The following UNC13B variants were observed in gnomAD, a reference collection of about 807,000 sequenced individuals.
The protein encoded by UNC13B is unc-13 homolog B.
A neutral mutation model predicts 211.0 loss-of-function variants in UNC13B; 144 were observed. The ratio of observed to expected loss-of-function variants is 0.68; its 90% CI spans 0.60 to 0.78. The LOEUF is 0.78. Among genes scored for constraint, UNC13B ranks in the 30% least tolerant of loss-of-function variants. The probability of loss-of-function intolerance (pLI) is 0.00; values close to 1 mark genes in which losing one functional copy is unlikely to be tolerated. For missense variants in UNC13B, 1,777 were observed against 2,002.0 expected (o/e 0.89, Z 2.14); for synonymous variants, 709 against 725.8 (o/e 0.98, Z 0.37).
chr9:35,170,205 G>T (rs1388986784), intron 1 of UNC13B, among the ~76,000 whole-genome samples: 2 of 151,298 alleles, frequency 1.3e-5, no homozygotes, highest in East Asian at 3.9e-4. Context: ...TCGTTCTGTT[G>T]CCCAGGTTGG....
At chr9:35,342,903 GAGAA>G (rs990491378) in intron 11 of UNC13B, among the ~76,000 whole-genome samples, 42 of 152,150 alleles carry the variant, frequency 2.8e-4, no homozygotes, top group Non-Finnish European at 1.8e-4. Context: ...GTGAGAGAGA[GAGAA>G]AGAGAGAGAG....
chr9:35,259,112 A>G, intron 7 of UNC13B, 62 bp downstream of exon 7: 6 of 1,559,116 alleles, frequency 3.8e-6, no homozygotes, highest in Middle Eastern at 3.4e-4. Context: ...TTCTCTGAAC[A>G]TGGGTTATTC....
chr9:35,252,022 C>G (rs988932864), intron 6 of UNC13B, among the ~76,000 whole-genome samples: 1 of 152,164 alleles, frequency 6.6e-6, no homozygotes, highest in African/African-American at 2.4e-5. Flanking sequence ...AAATCATTCA[C>G]TTTCCCTCAT....
At chr9:35,375,072 A>G (rs3780730) in intron 13 of UNC13B, 55 bp from the exon 14 acceptor site, 167,041 of 1,600,178 alleles carry the variant, frequency 0.1, 13,040 homozygotes, top group African/African-American at 0.34. Flanking sequence ...TCCCTCCCCC[A>G]GACTTTGCCA....
At chr9:35,358,128 C>T (rs1321323028) in intron 11 of UNC13B, among the ~76,000 whole-genome samples, 2 of 152,216 alleles carry the variant, frequency 1.3e-5, no homozygotes, top group Non-Finnish European at 2.9e-5. Context: ...GAATTTCACT[C>T]TGAAATTTCA....
In UNC13B at chr9:35,376,088, C is replaced by T. The variant is rs367581284; in HGVS notation, c.9676C>T (p.Pro3226Ser). ...AATCTACCCCATTTCGTGCACCACTCCTCATAACTTTGAGGTCTGGACGGC... is the reference window on the plus strand; with the variant it reads ...AATCTACCCCATTTCGTGCACCACTTCTCATAACTTTGAGGTCTGGACGGC... ...ALIYPISCTT[P>S]HNFEVWTATT... The change falls in exon 15 of 40, where the codon CCT (proline) becomes TCT (serine). Residue 3226 changes from proline to serine, a missense_variant. Coordinates refer to ENST00000635942, the MANE Select transcript of UNC13B (RefSeq NM_001371189.2). The T allele has an allele frequency of 5.3e-5, 85 of 1,614,144 alleles. No homozygotes were observed. Among genetic ancestry groups the T allele is most frequent in the Non-Finnish European group, 6.9e-5 (81 of 1,180,056 alleles).
intron 24 of UNC13B, among the ~76,000 whole-genome samples, chr9:35,388,184 G>T (rs1835303576): frequency 6.6e-6 from 1 of 152,210 alleles, no homozygotes; most frequent in African/African-American, 2.4e-5. Context: ...GGGGCGGGTG[G>T]ATCACTTGAG....
intron 11 of UNC13B, among the ~76,000 whole-genome samples, chr9:35,333,133 T>G (rs1831462967): frequency 6.6e-6 from 1 of 152,100 alleles, no homozygotes; most frequent in Non-Finnish European, 1.5e-5. Context: ...ATATTATCAT[T>G]CAATAAAAAG....
intron 11 of UNC13B, among the ~76,000 whole-genome samples, chr9:35,328,410 A>G (rs1831142827): frequency 6.6e-6 from 1 of 152,182 alleles, no homozygotes; most frequent in South Asian, 2.1e-4. Context: ...AGAAGGATTC[A>G]TGTGGTTCTC....
chr9:35,188,837 G>T (rs1349723235), intron 1 of UNC13B, among the ~76,000 whole-genome samples: 2 of 152,152 alleles, frequency 1.3e-5, no homozygotes, highest in Non-Finnish European at 2.9e-5. Context: ...GTTAGCCCCA[G>T]TTTGTTGAAA....
intron 24 of UNC13B, among the ~76,000 whole-genome samples, chr9:35,387,290 C>A (rs972729022): frequency 1.3e-5 from 2 of 152,188 alleles, no homozygotes; most frequent in African/African-American, 4.8e-5. Context: ...GCAGGACAAC[C>A]TAAATGTCTT....
Position 35,397,685 on chromosome 9 carries a change from C to T in UNC13B, c.11727C>T (p.Phe3909=), listed in dbSNP as rs556574552. The T allele has an allele frequency of 7.4e-6, 12 of 1,614,110 alleles. No individual in the cohort carries two copies. The South Asian group carries it at 1.2e-4, about 16-fold the overall frequency. ...ATGCAGACATCTTGTCAAAGGACTTCCCAGCCTATTGCACAAAGGAGAAAC... is the reference window on the plus strand; with the variant it reads ...ATGCAGACATCTTGTCAAAGGACTTTCCAGCCTATTGCACAAAGGAGAAAC... ...MQYADILSKD[F]PAYCTKEKLP... The change falls in exon 30 of 40, where the codon TTC becomes TTT. Residue 3909 remains phenylalanine (F), a synonymous_variant. Coordinates refer to ENST00000635942, the MANE Select transcript of UNC13B (RefSeq NM_001371189.2).
chr9:35,403,725 T>G, intron 39 of UNC13B, 23 bp from the exon 40 acceptor site: 1 of 1,612,644 alleles, frequency 6.2e-7, no homozygotes, highest in Non-Finnish European at 8.5e-7. Flanking sequence ...TCTGGCCTCA[T>G]AACTTCTATC....
intron 7 of UNC13B, among the ~76,000 whole-genome samples, chr9:35,268,722 A>T (rs1827713001): frequency 6.6e-6 from 1 of 152,136 alleles, no homozygotes; most frequent in Non-Finnish European, 1.5e-5. Flanking sequence ...TGTGATGCTG[A>T]TGTTAATTAT....
intron 1 of UNC13B, among the ~76,000 whole-genome samples, chr9:35,176,869 C>T (rs2131283144): frequency 6.6e-6 from 1 of 152,186 alleles, no homozygotes; most frequent in African/African-American, 2.4e-5. Context: ...AAGAAGAGGA[C>T]ACTATCGAGA....
intron 7 of UNC13B, among the ~76,000 whole-genome samples, chr9:35,289,252 G>A (rs1324883425): frequency 6.6e-6 from 1 of 152,100 alleles, no homozygotes; most frequent in African/African-American, 2.4e-5. Flanking sequence ...AAACAGCCTG[G>A]GTTGGCATCA....
rs200296975 is a variant in UNC13B at position 35,310,568 on chromosome 9, G to A, written c.9110G>A (p.Arg3037Gln). Residue 3037 changes from arginine (R) to glutamine (Q), a missense_variant, in exon 10 of 40, where the codon CGG becomes CAG. Transcript: ENST00000635942. ...DQYHEQDDDH[R>Q]ETDSIHSCHS... The stretch of plus-strand genomic sequence containing the variant: ...TATCACGAACAAGATGACGACCATC[G>A]GGAGACGGACTCGATTCATTCTTGC... 3.0e-5 allele frequency: 48 copies of A among 1,614,036 alleles called. No homozygotes were observed. The East Asian group carries it at 4.7e-4, about 16-fold the overall frequency.
At chr9:35,222,938 G>A (rs1361778003) in intron 1 of UNC13B, among the ~76,000 whole-genome samples, 1 of 152,168 alleles carries the variant, frequency 6.6e-6, no homozygotes, top group Non-Finnish European at 1.5e-5. Context: ...ACATGAGTGA[G>A]AACATGCAAA....
intron 11 of UNC13B, among the ~76,000 whole-genome samples, chr9:35,332,804 A>G (rs947174320): frequency 3.9e-5 from 6 of 152,178 alleles, no homozygotes; most frequent in African/African-American, 1.4e-4. Context: ...TTATCTTTCT[A>G]TAGCATTTCA....
Sources: allele counts gnomAD v4.1 joint callset (sites outside exome capture counted in the v4.1 genomes callset), GRCh38; gene constraint gnomAD v4.1.1; transcripts MANE v1.5; gene names NCBI Gene and HGNC (gene_info 2026-07-23, HGNC 2026-07-21).